The following CFAP54 variants were observed in gnomAD, a reference collection of about 807,000 sequenced individuals.
CFAP54 encodes cilia and flagella associated protein 54, also known as cilia- and flagella-associated protein 54.
CFAP54 carries 290 observed loss-of-function variants against 370.4 expected under a neutral mutation model. The ratio of observed to expected loss-of-function variants is 0.78; its 90% confidence interval spans 0.71 to 0.86. CFAP54 has a LOEUF of 0.86. CFAP54 is among the 40% of genes least tolerant of loss of function. The probability of loss-of-function intolerance (pLI) is 0.00; values close to 1 mark genes in which losing one functional copy is unlikely to be tolerated. For synonymous variants in CFAP54, 1,206 were observed against 1,236.5 expected, an observed-to-expected ratio of 0.98 and a Z score of 0.52; for missense variants, 3,399 against 3,528.7, an observed-to-expected ratio of 0.96 and a Z score of 0.93.
At chr12:96,871,168 C>T (rs1960153438) in intron 67 of CFAP54, among the ~76,000 whole-genome samples, 1 of 152,182 alleles carries the variant, frequency 6.6e-6, no homozygotes, top group Non-Finnish European at 1.5e-5. Context: ...CATGATGAGA[C>T]TCCAGAGAAT....
chr12:96,795,039 C>G (rs147108274), intron 63 of CFAP54, among the ~76,000 whole-genome samples: 1 of 152,134 alleles, frequency 6.6e-6, no homozygotes, highest in Non-Finnish European at 1.5e-5. Flanking sequence ...TCGAAGCTAC[C>G]GGGCTCTGGG....
chr12:96,558,448 A>G (rs1277196530), intron 17 of CFAP54, among the ~76,000 whole-genome samples: 1 of 152,178 alleles, frequency 6.6e-6, no homozygotes, highest in African/African-American at 2.4e-5. Flanking sequence ...AAGTTGCAGG[A>G]TACAACTTTA....
chr12:96,781,736 A>G (rs1275036177), intron 60 of CFAP54, among the ~76,000 whole-genome samples: 11 of 152,142 alleles, frequency 7.2e-5, no homozygotes, highest in African/African-American at 9.7e-5. Context: ...AAATGGTGAT[A>G]TAACTATAGA....
intron 45 of CFAP54, among the ~76,000 whole-genome samples, chr12:96,695,740 T>A (rs1957434249): frequency 6.6e-6 from 1 of 152,242 alleles, no homozygotes; most frequent in South Asian, 2.1e-4. Context: ...ATCAAGTGCC[T>A]ACTGTCCACT....
intron 60 of CFAP54, among the ~76,000 whole-genome samples, chr12:96,768,768 A>C (rs1407583349): frequency 2.0e-5 from 3 of 152,234 alleles, no homozygotes; most frequent in African/African-American, 7.2e-5. Flanking sequence ...AGCTAAATCC[A>C]TCTATGCCTT....
intron 39 of CFAP54, among the ~76,000 whole-genome samples, chr12:96,668,556 C>T (rs1957106661): frequency 6.6e-6 from 1 of 152,126 alleles, no homozygotes; most frequent in Non-Finnish European, 1.5e-5. Flanking sequence ...AAAAACCAAC[C>T]CCCATGATTC....
At chr12:96,530,363 G>C (rs1020640881) in intron 9 of CFAP54, among the ~76,000 whole-genome samples, 35 of 152,196 alleles carry the variant, frequency 2.3e-4, no homozygotes, top group African/African-American at 8.4e-4. Context: ...CATGGCATGT[G>C]CCTGTAGTCC....
At chr12:96,506,730 G>A (rs920549718) in intron 3 of CFAP54, among the ~76,000 whole-genome samples, 198 bp from the exon 4 acceptor site, 1 of 151,652 alleles carries the variant, frequency 6.6e-6, no homozygotes. Context: ...GGGATTACAC[G>A]CATGTGCCAC....
intron 44 of CFAP54, among the ~76,000 whole-genome samples, chr12:96,692,089 AT>A (rs1170014576): frequency 7.1e-6 from 1 of 140,612 alleles, no homozygotes; most frequent in Non-Finnish European, 1.6e-5. Flanking sequence ...TCCCCCACAT[AT>A]TTTTTTCTAT....
chr12:96,831,670 A>C (rs947419552), intron 66 of CFAP54, among the ~76,000 whole-genome samples: 11 of 152,112 alleles, frequency 7.2e-5, no homozygotes, highest in Non-Finnish European at 1.3e-4. Context: ...GAAATATTAT[A>C]CTGTATTTTT....
At chr12:96,736,079 C>T (rs11108663) in intron 50 of CFAP54, among the ~76,000 whole-genome samples, 12,189 of 152,096 alleles carry the variant, frequency 0.08, 947 homozygotes, top group East Asian at 0.44. Flanking sequence ...GTGACAGAAT[C>T]GCAACTTAAG....
chr12:96,517,438 G>A (rs963478834), intron 5 of CFAP54, among the ~76,000 whole-genome samples: 3 of 152,150 alleles, frequency 2.0e-5, no homozygotes, highest in Non-Finnish European at 2.9e-5. Context: ...TCTAATACCA[G>A]GAGTCCTGAA....
At chr12:96,707,686 A>C (rs1166806357) in intron 47 of CFAP54, among the ~76,000 whole-genome samples, 2 of 152,146 alleles carry the variant, frequency 1.3e-5, no homozygotes, top group Non-Finnish European at 2.9e-5. Context: ...AGCCCATTGG[A>C]GAAAGGAGTG....
intron 1 of CFAP54, 33 bp from the exon 2 acceptor site, chr12:96,500,801 T>C (rs950389666): frequency 5.5e-6 from 8 of 1,461,228 alleles, no homozygotes; most frequent in Middle Eastern, 1.7e-4. Context: ...CTGCAGACTT[T>C]GACAATGTCG....
chr12:96,554,430 A>G (rs1259542402), intron 16 of CFAP54, 120 bp downstream of exon 16: 2 of 1,256,020 alleles, frequency 1.6e-6, no homozygotes, highest in African/African-American at 1.5e-5. Context: ...GGCCAGAAAT[A>G]TATTTCCCTC....
chr12:96,684,943 T>G lies in CFAP54; in HGVS notation c.5805-86T>G. 7 of 1,285,796 alleles carry G rather than the reference T, an allele frequency of 5.4e-6. No homozygotes were observed. The South Asian group carries it at 7.7e-5, about 14-fold the overall frequency. 79.6% of individuals were successfully genotyped at this position (1,285,796 alleles called of 1,614,324 possible). A position where few individuals can be genotyped will look rare whatever the true frequency, so the allele number is the denominator to read the frequency against. ...TATACGTATGTTAATTGACGTTGCT[T>G]CGGTGTATTTGCTTTCCCTTCTGGA... On this transcript the variant is annotated intron_variant, in intron 41 of 67. Transcript: ENST00000524981.
chr12:96,874,407 G>T (rs563749996), intron 67 of CFAP54, among the ~76,000 whole-genome samples: 1 of 152,280 alleles, frequency 6.6e-6, no homozygotes, highest in South Asian at 2.1e-4. Flanking sequence ...TAGAATGAGA[G>T]CTCCTGCTGG....
At chr12:96,859,694 C>A (rs888595986) in intron 66 of CFAP54, among the ~76,000 whole-genome samples, 6 of 152,168 alleles carry the variant, frequency 3.9e-5, no homozygotes, top group Non-Finnish European at 7.4e-5. Context: ...CGTGAGCCAC[C>A]ACACCTGACC....
intron 1 of CFAP54, among the ~76,000 whole-genome samples, chr12:96,490,412 A>G (rs1954867856): frequency 6.6e-6 from 1 of 152,254 alleles, no homozygotes; most frequent in Admixed American, 6.5e-5. Context: ...ATCAAGAGCT[A>G]GCTTCATGAA....
Sources: allele counts gnomAD v4.1 joint callset (sites outside exome capture counted in the v4.1 genomes callset), GRCh38; gene constraint gnomAD v4.1.1; transcripts MANE v1.5; gene names NCBI Gene and HGNC (gene_info 2026-07-23, HGNC 2026-07-21).